The following ZFHX3 variants were observed in gnomAD, a reference collection of about 807,000 sequenced individuals.
The protein encoded by ZFHX3 is zinc finger homeobox protein 3.
Under a neutral mutation model 279.1 loss-of-function variants are expected in ZFHX3, and 42 were observed. That is an observed-to-expected ratio of 0.15 (90% CI 0.12 to 0.19). ZFHX3 has a LOEUF of 0.19. Among genes scored for constraint, ZFHX3 ranks in the 10% least tolerant of loss-of-function variants. ZFHX3 has a pLI of 1.00. For missense variants in ZFHX3, 4,981 were observed against 4,754.0 expected (o/e 1.05, Z -1.40); for synonymous variants, 2,293 against 1,957.8 (o/e 1.17, Z -4.52).
At chr16:73,755,263 G>A (rs1418817092) in intron 1 of ZFHX3, among the ~76,000 whole-genome samples, 1 of 152,020 alleles carries the variant, frequency 6.6e-6, no homozygotes, top group Non-Finnish European at 1.5e-5. Context: ...CCGTTTCTAA[G>A]ACTCTCACCT....
intron 7 of ZFHX3, among the ~76,000 whole-genome samples, chr16:73,119,694 C>G (rs949960339): frequency 6.6e-6 from 1 of 152,100 alleles, no homozygotes; most frequent in African/African-American, 2.4e-5. Context: ...TTTTATTTTA[C>G]GTCTTTTAGA....
chr16:73,420,123 G>C (rs1402978434), intron 3 of ZFHX3: 1 of 152,020 alleles, frequency 6.6e-6, no homozygotes, highest in Non-Finnish European at 1.5e-5. Context: ...GTCCAGGCTT[G>C]TTTCAAACTC....
chr16:73,755,173 C>A (rs2053797082), intron 1 of ZFHX3, among the ~76,000 whole-genome samples: 2 of 152,194 alleles, frequency 1.3e-5, no homozygotes, highest in Admixed American at 1.3e-4. Flanking sequence ...TCCGTACTCC[C>A]TGATTAATCT....
At chr16:73,008,235 T>C (rs1310948595) in intron 1 of ZFHX3, among the ~76,000 whole-genome samples, 1 of 152,242 alleles carries the variant, frequency 6.6e-6, no homozygotes, top group African/African-American at 2.4e-5. Context: ...AATATAACTT[T>C]GGTAATAACC....
At chr16:73,220,163 T>C (rs1056079650) in intron 5 of ZFHX3, among the ~76,000 whole-genome samples, 1 of 151,856 alleles carries the variant, frequency 6.6e-6, no homozygotes, top group African/African-American at 2.4e-5. Flanking sequence ...GACATAAAGA[T>C]GGCAACAATA....
intron 1 of ZFHX3, among the ~76,000 whole-genome samples, chr16:73,746,216 C>T (rs1001447306): frequency 6.6e-6 from 1 of 151,994 alleles, no homozygotes; most frequent in Non-Finnish European, 1.5e-5. Context: ...CTTCAGTGGC[C>T]TGGAGTCACT....
At position 73,687,625 on chromosome 16, in the gene ZFHX3, C is replaced by T. The variant is rs527913090; in HGVS notation, c.-1607-7385G>A. Among the ~76,000 whole-genome samples the T allele has an allele frequency of 4.9e-4, 75 of 151,848 alleles. 1 individual carries two copies. In the South Asian group the frequency reaches 0.013, roughly 27 times the overall value. On this transcript the variant is annotated intron_variant, in intron 1 of 17. Coordinates refer to the ZFHX3 transcript ENST00000641206. ...TTGGGAGGCCAAGGCAGGTGGATCA[C>T]GAGGTCAAGAGATCGAGACCATCCT...
At chr16:73,443,290 G>C (rs1039248192) in intron 3 of ZFHX3, among the ~76,000 whole-genome samples, 2 of 152,190 alleles carry the variant, frequency 1.3e-5, no homozygotes, top group African/African-American at 4.8e-5. Flanking sequence ...AAACAGCTTT[G>C]TGGATGGAAG....
chr16:73,681,031 T>C (rs183526407), intron 1 of ZFHX3, among the ~76,000 whole-genome samples: 1 of 152,352 alleles, frequency 6.6e-6, no homozygotes, highest in East Asian at 1.9e-4. Flanking sequence ...AGAAAGATTT[T>C]AGTTATTTTA....
chr16:73,491,265 A>T (rs2019052053), intron 2 of ZFHX3, among the ~76,000 whole-genome samples: 1 of 152,162 alleles, frequency 6.6e-6, no homozygotes, highest in Non-Finnish European at 1.5e-5. Context: ...GGGCAGAGAG[A>T]TGGAAAAGGA....
At chr16:72,986,638 G>A (rs762431864) in intron 1 of ZFHX3, among the ~76,000 whole-genome samples, 1 of 152,108 alleles carries the variant, frequency 6.6e-6, no homozygotes, top group Non-Finnish European at 1.5e-5. Context: ...TTGAATTATC[G>A]GCACCGTCTC....
At chr16:73,879,215 T>A (rs2030059131) in intron 1 of ZFHX3, among the ~76,000 whole-genome samples, 2 of 150,344 alleles carry the variant, frequency 1.3e-5, no homozygotes, top group East Asian at 3.9e-4. Context: ...TGCAAAAGGT[T>A]TTTTTTTTCT....
chr16:73,785,429 A>T (rs1040543026), intron 1 of ZFHX3, among the ~76,000 whole-genome samples: 6 of 152,118 alleles, frequency 3.9e-5, no homozygotes, highest in African/African-American at 1.4e-4. Context: ...TTTCTCAGAG[A>T]TATCTAGAGC....
At chr16:72,914,839 A>G (rs2039403281) in intron 3 of ZFHX3, among the ~76,000 whole-genome samples, 1 of 152,074 alleles carries the variant, frequency 6.6e-6, no homozygotes, top group East Asian at 1.9e-4. Context: ...AAAAATACAA[A>G]AATTAGTTGG....
At chr16:73,083,825 G>T (rs1001342437) in intron 8 of ZFHX3, among the ~76,000 whole-genome samples, 2 of 152,056 alleles carry the variant, frequency 1.3e-5, no homozygotes, top group Non-Finnish European at 2.9e-5. Flanking sequence ...CACCATGCCC[G>T]GCCTTTCCTA....
At chr16:73,558,709 C>CTTTTTTT (rs989644068) in intron 2 of ZFHX3, among the ~76,000 whole-genome samples, 3 of 90,478 alleles carry the variant, frequency 3.3e-5, no homozygotes, top group East Asian at 2.9e-4. Flanking sequence ...GAAAATGACT[C>CTTTTTTT]TTTTTTTTTT....
intron 1 of ZFHX3, among the ~76,000 whole-genome samples, chr16:72,981,619 T>G (rs1435377156): frequency 1.3e-5 from 2 of 152,218 alleles, no homozygotes; most frequent in African/African-American, 4.8e-5. Context: ...GGTTCTCTAG[T>G]GTGGCTCTGT....
chr16:73,834,904 G>A (rs16972672), intron 1 of ZFHX3, among the ~76,000 whole-genome samples: 7,067 of 124,842 alleles, frequency 0.057, 540 homozygotes, highest in African/African-American at 0.18. Flanking sequence ...AAAAAGAAGC[G>A]TCTCCCCCCG....
At chr16:73,402,044 G>C (rs998588650) in intron 3 of ZFHX3, 3 of 152,230 alleles carry the variant, frequency 2.0e-5, no homozygotes, top group Non-Finnish European at 4.4e-5. Flanking sequence ...GTCCAGGAAA[G>C]GAACATGACA....
Sources: allele counts gnomAD v4.1 joint callset (sites outside exome capture counted in the v4.1 genomes callset), GRCh38; gene constraint gnomAD v4.1.1; transcripts MANE v1.5; gene names NCBI Gene and HGNC (gene_info 2026-07-23, HGNC 2026-07-21).